Variants in SCRN1 observed in about 807,000 individuals in gnomAD.
The protein encoded by SCRN1 is secernin 1.
Under a neutral mutation model 43.3 loss-of-function variants are expected in SCRN1, and 19 were observed. The observed-to-expected ratio is 0.44, with a 90% CI of 0.31 to 0.64. The LOEUF (loss-of-function observed/expected upper bound fraction) is 0.64, where lower values mean the gene tolerates loss of function less well. Among genes scored for constraint, SCRN1 ranks in the 30% least tolerant of loss-of-function variants. The pLI is 0.09. For missense variants in SCRN1, 447 were observed against 524.1 expected (o/e 0.85, Z 1.44); for synonymous variants, 183 against 188.9 (o/e 0.97, Z 0.26).
At chr7:29,971,478 C>G (rs1216430962) in intron 1 of SCRN1, among the ~76,000 whole-genome samples, 1 of 151,842 alleles carries the variant, frequency 6.6e-6, no homozygotes, top group African/African-American at 2.4e-5. Context: ...ACAAAAAATA[C>G]AAAAACTAGC....
intron 5 of SCRN1, among the ~76,000 whole-genome samples, chr7:29,936,947 G>GA (rs1430823210): frequency 6.6e-6 from 1 of 152,178 alleles, no homozygotes; most frequent in Non-Finnish European, 1.5e-5. Flanking sequence ...TTGGGAGGCT[G>GA]AGGCAGGAGA....
At position 29,970,065 on chromosome 7, in the gene SCRN1, C is replaced by T. The variant is rs971702240; in HGVS notation, c.-1-997G>A. 29 of 331,180 alleles carry T rather than the reference C, an allele frequency of 8.8e-5. 1 individual carries two copies. The highest frequency in any genetic ancestry group is 2.2e-4 in the South Asian group (9 of 41,204). The allele number at this position is 331,180 out of a possible 1,614,324, so 20.5% of individuals were successfully genotyped here. On this transcript the variant is annotated intron_variant, in intron 1 of 7. Transcript: ENST00000242059. ...CAGCCTGGACCACTACAATAACTTC[C>T]GGAGGGGTTGCTCCAAAACCTCTAT...
intron 3 of SCRN1, among the ~76,000 whole-genome samples, chr7:29,951,110 ACT>A (rs1232545130): frequency 6.6e-6 from 1 of 152,132 alleles, no homozygotes; most frequent in Non-Finnish European, 1.5e-5. Context: ...GGACTGTGAC[ACT>A]CTCTTTGGGG....
At position 29,921,358 on chromosome 7, in the gene SCRN1, A is replaced by C. The variant is rs1269678629; in HGVS notation, c.*2599T>G. Reference sequence around the variant, plus strand: ...ATGTAACAAGCATTTTTCAAAAGCAAAATCTGTTAGGAACATTTAAAAATG... The same window carrying C: ...ATGTAACAAGCATTTTTCAAAAGCACAATCTGTTAGGAACATTTAAAAATG... On this transcript the variant is annotated 3_prime_UTR_variant, in exon 8 of 8. Coordinates refer to ENST00000242059, the MANE Select transcript of SCRN1 (RefSeq NM_014766.5). 6.6e-6 allele frequency: 1 copy of C among 152,282 alleles called. No homozygotes were observed. The highest frequency in any genetic ancestry group is 2.4e-5 in the African/African-American group (1 of 41,470). The allele number at this position is 152,282 out of a possible 1,614,324, so 9.4% of individuals were successfully genotyped here.
intron 6 of SCRN1, among the ~76,000 whole-genome samples, chr7:29,935,436 C>T (rs1787291508): frequency 6.6e-6 from 1 of 152,146 alleles, no homozygotes; most frequent in African/African-American, 2.4e-5. Flanking sequence ...GAAGCAGATT[C>T]AAAGTTTAAC....
intron 2 of SCRN1, among the ~76,000 whole-genome samples, chr7:29,959,086 C>T (rs1788225532): frequency 6.6e-6 from 1 of 152,242 alleles, no homozygotes; most frequent in South Asian, 2.1e-4. Flanking sequence ...CGTCACTTCA[C>T]CCCATCCACA....
intron 2 of SCRN1, 115 bp downstream of exon 2, chr7:29,968,794 C>T: frequency 7.7e-7 from 1 of 1,304,612 alleles, no homozygotes; most frequent in Non-Finnish European, 1.1e-6. Context: ...ATCAGCAGAA[C>T]TGACATGATA....
chr7:29,946,276 G>A (rs1343968399), intron 3 of SCRN1, among the ~76,000 whole-genome samples: 1 of 152,172 alleles, frequency 6.6e-6, no homozygotes, highest in Non-Finnish European at 1.5e-5. Flanking sequence ...ACAGAAGCAG[G>A]CACTCATCTT....
upstream of SCRN1, chr7:29,989,927 CCGCGG>C (rs1789314577): frequency 9.7e-6 from 11 of 1,129,250 alleles, no homozygotes; most frequent in South Asian, 2.2e-4. Flanking sequence ...GCTGCACGGG[CCGCGG>C]CGCTGCTCAC....
intron 1 of SCRN1, among the ~76,000 whole-genome samples, chr7:29,978,300 G>A (rs1005130528): frequency 2.6e-5 from 4 of 152,122 alleles, no homozygotes; most frequent in Non-Finnish European, 5.9e-5. Context: ...TCAAATATTT[G>A]GCTTCTGCTA....
intron 2 of SCRN1, among the ~76,000 whole-genome samples, chr7:29,959,413 T>C (rs1337571341): frequency 1.3e-5 from 2 of 151,880 alleles, no homozygotes; most frequent in South Asian, 2.1e-4. Flanking sequence ...AAATTATATA[T>C]GTGTGTGTGT....
At chr7:29,959,067 G>C (rs1482069894) in intron 2 of SCRN1, among the ~76,000 whole-genome samples, 2 of 152,236 alleles carry the variant, frequency 1.3e-5, no homozygotes, top group Non-Finnish European at 2.9e-5. Context: ...AGAAAGATCA[G>C]CTTCATGCCG....
chr7:29,940,815 C>T lies in SCRN1; in HGVS notation c.606G>A (p.Pro202=), dbSNP rs773747511. 3.1e-5 allele frequency: 49 copies of T among 1,603,336 alleles called. No homozygotes were observed. The East Asian group carries it at 1.0e-3, about 33-fold the overall frequency. Residue 202 remains proline, a synonymous_variant, in exon 5 of 8, where the codon CCG becomes CCA. Transcript: ENST00000242059. The part of the protein sequence containing the change: ...SLTTKMDAEH[P]ELRSYAQSQG... ...GGCTCTGAGCGTAACTCCTGAGTTC[C>T]GGATGCTCTGCATCCATCTTAGTGG...
chr7:29,975,813 A>C lies in SCRN1; in HGVS notation c.-1-6745T>G, dbSNP rs1583695477. ...CTAATTAATGAAACACTCTAATTTA[A>C]CTCCCATAGATGGGTAAGCTGACAA... On this transcript the variant is annotated intron_variant, in intron 1 of 7. Transcript: ENST00000242059. Among the ~76,000 whole-genome samples the C allele has an allele frequency of 2.6e-5, 4 of 152,172 alleles. No individual in the cohort carries two copies. The East Asian group carries it at 7.7e-4, about 29-fold the overall frequency.
At chr7:29,956,799 A>C (rs1788152992) in intron 2 of SCRN1, among the ~76,000 whole-genome samples, 1 of 152,200 alleles carries the variant, frequency 6.6e-6, no homozygotes, top group South Asian at 2.1e-4. Context: ...AATAAAATAT[A>C]CTCAAGATTT....
At position 29,985,295 on chromosome 7, in the gene SCRN1, C is replaced by A. The variant is rs1239840485; in HGVS notation, c.-2+4347G>T. Among the ~76,000 whole-genome samples the A allele has an allele frequency of 2.8e-5, 4 of 144,126 alleles. 1 individual carries two copies. The highest frequency in any genetic ancestry group is 6.1e-5 in the Non-Finnish European group (4 of 65,688). 94.6% of individuals were successfully genotyped at this position (144,126 alleles called of 152,430 possible). A position where few individuals can be genotyped will look rare whatever the true frequency, so the allele number is the denominator to read the frequency against. Reference sequence around the variant, plus strand: ...TGGTGCGCACCTGTAATCCCAGCTACTCAGGAGACTAAAGCAGGAGAAATC... The same window carrying A: ...TGGTGCGCACCTGTAATCCCAGCTAATCAGGAGACTAAAGCAGGAGAAATC... On this transcript the variant is annotated intron_variant, in intron 1 of 7. Transcript: ENST00000242059.
At chr7:29,987,791 G>A (rs1026306878) in intron 1 of SCRN1, among the ~76,000 whole-genome samples, 7 of 152,180 alleles carry the variant, frequency 4.6e-5, no homozygotes, top group Non-Finnish European at 1.5e-5. Context: ...TATGAGACCT[G>A]GATTTGGGTT....
chr7:29,936,534 C>G, intron 6 of SCRN1, 22 bp downstream of exon 6: 1 of 1,538,894 alleles, frequency 6.5e-7, no homozygotes, highest in Non-Finnish European at 8.9e-7. Flanking sequence ...GTTCTGCCTA[C>G]GTGACCAGGC....
intron 1 of SCRN1, among the ~76,000 whole-genome samples, chr7:29,976,038 T>C (rs1247598761): frequency 6.6e-6 from 1 of 152,230 alleles, no homozygotes; most frequent in African/African-American, 2.4e-5. Context: ...TGGTACATTT[T>C]TGTGGTAGAG....
Sources: allele counts gnomAD v4.1 joint callset (sites outside exome capture counted in the v4.1 genomes callset), GRCh38; gene constraint gnomAD v4.1.1; transcripts MANE v1.5; gene names NCBI Gene and HGNC (gene_info 2026-07-23, HGNC 2026-07-21).